Variants in CMIP observed in about 807,000 individuals in gnomAD.
CMIP encodes C-Maf-inducing protein.
Under a neutral mutation model 97.3 loss-of-function variants are expected in CMIP, and 13 were observed. The ratio of observed to expected loss-of-function variants is 0.13; its 90% confidence interval spans 0.09 to 0.21. The LOEUF is 0.21. CMIP is among the 10% of genes least tolerant of loss of function. The pLI is 1.00. For missense variants in CMIP, 847 were observed against 1,024.9 expected (o/e 0.83, Z 2.37); for synonymous variants, 538 against 436.3 (o/e 1.23, Z -2.91).
intron 7 of CMIP, chr16:81,664,696 C>T (rs576380775): frequency 2.3e-5 from 11 of 479,568 alleles, no homozygotes; most frequent in African/African-American, 9.8e-5. Context: ...GTGTGTGCTG[C>T]GCACAGCGAG....
In CMIP at chr16:81,702,579, T is replaced by C. The variant is rs138442593; in HGVS notation, c.1897-43T>C. 1,664 of 1,597,802 alleles carry C rather than the reference T, an allele frequency of 1.0e-3. 34 individuals carry two copies. The East Asian group carries it at 0.033, about 32-fold the overall frequency. ...AGAGGTGGAAGTCTAGAATGGAAAC[T>C]TGGGGAAAAGAATGGTTGTAACCAG... is the stretch of plus-strand genomic sequence containing the variant. On this transcript the variant is annotated intron_variant, in intron 16 of 20. Coordinates refer to ENST00000537098, the MANE Select transcript of CMIP (RefSeq NM_198390.3).
At chr16:81,578,682 G>GT (rs1272603541) in intron 1 of CMIP, among the ~76,000 whole-genome samples, 3 of 152,190 alleles carry the variant, frequency 2.0e-5, no homozygotes, top group East Asian at 1.9e-4. Context: ...AGACATTTTG[G>GT]TTTTTTGCAC....
At chr16:81,519,678 A>G (rs1295213719) in intron 1 of CMIP, 1 of 152,238 alleles carries the variant, frequency 6.6e-6, no homozygotes, top group Non-Finnish European at 1.5e-5. Context: ...TGGGGTTGTT[A>G]TGACGATAAG....
chr16:81,503,153 A>G (rs1275240908), intron 1 of CMIP, among the ~76,000 whole-genome samples: 1 of 152,156 alleles, frequency 6.6e-6, no homozygotes, highest in African/African-American at 2.4e-5. Context: ...GATTTGCCCA[A>G]TACTGTCCCA....
intron 2 of CMIP, among the ~76,000 whole-genome samples, chr16:81,612,001 A>G (rs1156732317): frequency 2.0e-5 from 3 of 152,178 alleles, no homozygotes; most frequent in East Asian, 3.9e-4. Flanking sequence ...CCTCACTGCC[A>G]TGTTATTAGA....
At chr16:81,451,435 G>C (rs1228199375) in intron 1 of CMIP, among the ~76,000 whole-genome samples, 2 of 152,214 alleles carry the variant, frequency 1.3e-5, no homozygotes, top group Non-Finnish European at 2.9e-5. Context: ...TCTCAGGTAT[G>C]TCTTTATCAG....
chr16:81,698,754 C>T (rs1292587931), intron 14 of CMIP, among the ~76,000 whole-genome samples: 2 of 152,176 alleles, frequency 1.3e-5, no homozygotes, highest in African/African-American at 4.8e-5. Context: ...ATCCATTACA[C>T]ACTGACTCCC....
intron 10 of CMIP, among the ~76,000 whole-genome samples, chr16:81,681,438 G>T (rs1904865435): frequency 6.6e-6 from 1 of 152,214 alleles, no homozygotes. Context: ...TTGGACGGTT[G>T]GTCATCCTCT....
intron 1 of CMIP, among the ~76,000 whole-genome samples, chr16:81,585,717 C>T (rs2091370971): frequency 7.9e-6 from 1 of 126,658 alleles, no homozygotes; most frequent in Non-Finnish European, 1.8e-5. Context: ...CTTAGAAATT[C>T]CTTTGCATCT....
chr16:81,586,182 T>C (rs1049000457), intron 1 of CMIP, among the ~76,000 whole-genome samples: 1 of 152,110 alleles, frequency 6.6e-6, no homozygotes, highest in Non-Finnish European at 1.5e-5. Context: ...ACCTACCTTC[T>C]GTCATCAGGA....
rs570523545 is a variant in CMIP, at chr16:81,711,355, C to G, written c.*1556C>G. On this transcript the variant is annotated 3_prime_UTR_variant, in exon 21 of 21. Transcript: ENST00000537098. ...TGCTAGGTAGACTTTATTACCCCCCCACTATGCCCTCATTTTTTTAAAAAA... is the reference window on the plus strand; with the variant it reads ...TGCTAGGTAGACTTTATTACCCCCCGACTATGCCCTCATTTTTTTAAAAAA... 4 of 152,176 alleles carry G rather than the reference C, an allele frequency of 2.6e-5. No homozygotes were observed. Among genetic ancestry groups the G allele is most frequent in the African/African-American group, 7.3e-5 (3 of 41,320 alleles). 9.4% of individuals were successfully genotyped at this position (152,176 alleles called of 1,614,324 possible). A position where few individuals can be genotyped will look rare whatever the true frequency, so the allele number is the denominator to read the frequency against.
intron 1 of CMIP, among the ~76,000 whole-genome samples, chr16:81,505,948 T>A (rs995587054): frequency 1.3e-5 from 2 of 152,236 alleles, no homozygotes; most frequent in African/African-American, 4.8e-5. Flanking sequence ...TGAGCCTAGA[T>A]TGTGCCATTG....
intron 1 of CMIP, among the ~76,000 whole-genome samples, chr16:81,581,078 C>G (rs1441719077): frequency 6.6e-6 from 1 of 152,162 alleles, no homozygotes; most frequent in Non-Finnish European, 1.5e-5. Context: ...TGTCAGGGTT[C>G]TTCCGTGTTG....
chr16:81,557,838 G>T (rs2090796272), intron 1 of CMIP, among the ~76,000 whole-genome samples: 4 of 152,142 alleles, frequency 2.6e-5, no homozygotes, highest in Admixed American at 1.3e-4. Context: ...TTAACATACA[G>T]TTCGGTGGCA....
intron 1 of CMIP, among the ~76,000 whole-genome samples, chr16:81,565,820 C>T (rs1055977424): frequency 3.5e-4 from 53 of 152,332 alleles, no homozygotes; most frequent in South Asian, 1.4e-3. Context: ...TGGGGCACGG[C>T]GCCGCCTCCT....
chr16:81,493,762 C>T lies in CMIP; in HGVS notation c.300+48221C>T, dbSNP rs548417074. Reference sequence around the variant, plus strand: ...ACGAAGCAACACGCACGTCGCAGAACCCACAGCTGAGGAGACCAGAGCTCA... The same window carrying T: ...ACGAAGCAACACGCACGTCGCAGAATCCACAGCTGAGGAGACCAGAGCTCA... On this transcript the variant is annotated intron_variant, in intron 1 of 20. Transcript: ENST00000537098. Among the ~76,000 whole-genome samples the T allele has an allele frequency of 2.0e-5, 3 of 152,358 alleles. No individual in the cohort carries two copies. In the East Asian group the frequency reaches 5.8e-4, roughly 29 times the overall value.
intron 1 of CMIP, among the ~76,000 whole-genome samples, chr16:81,484,899 C>G (rs2089291980): frequency 6.6e-6 from 1 of 151,952 alleles, no homozygotes; most frequent in Non-Finnish European, 1.5e-5. Flanking sequence ...ACCCTCTTCC[C>G]TGCCTCTTTC....
intron 1 of CMIP, among the ~76,000 whole-genome samples, chr16:81,567,718 C>T (rs750242798): frequency 7.9e-5 from 12 of 152,240 alleles, no homozygotes; most frequent in Non-Finnish European, 2.9e-5. Flanking sequence ...TGCTCCTCTG[C>T]TGTGTCGTCT....
rs148765849 is a variant in CMIP, at chr16:81,565,410, C to G, written c.301-42157C>G. Among the ~76,000 whole-genome samples, 394 of 152,326 alleles carry G rather than the reference C, an allele frequency of 2.6e-3. 1 individual carries two copies. Among genetic ancestry groups the G allele is most frequent in the African/African-American group, 8.9e-3 (371 of 41,562 alleles). On this transcript the variant is annotated intron_variant, in intron 1 of 20. Transcript: ENST00000537098. ...GCCAGAGCCTGCGGCACCTTCATCC[C>G]TGCTCCTCTCTGCACTCCATCCTCC...
Sources: allele counts gnomAD v4.1 joint callset (sites outside exome capture counted in the v4.1 genomes callset), GRCh38; gene constraint gnomAD v4.1.1; transcripts MANE v1.5; gene names NCBI Gene and HGNC (gene_info 2026-07-23, HGNC 2026-07-21).